The following TULP4 variants were observed in gnomAD, a reference collection of about 807,000 sequenced individuals.
TULP4 encodes the protein TUB like protein 4, also known as tubby-related protein 4.
In TULP4, 16 loss-of-function variants were observed where a neutral mutation model predicts 129.0. The observed-to-expected ratio is 0.12, with a 90% CI of 0.08 to 0.19. The LOEUF (loss-of-function observed/expected upper bound fraction) is 0.19, where lower values mean the gene tolerates loss of function less well. Among genes scored for constraint, TULP4 ranks in the 10% least tolerant of loss-of-function variants. The probability of loss-of-function intolerance (pLI) is 1.00; values close to 1 mark genes in which losing one functional copy is unlikely to be tolerated. For missense variants in TULP4, 1,842 were observed against 2,059.1 expected (o/e 0.89, Z 2.04); for synonymous variants, 998 against 854.0 (o/e 1.17, Z -2.94).
At chr6:158,495,236 A>G (rs894131990) in intron 11 of TULP4, among the ~76,000 whole-genome samples, 1 of 152,042 alleles carries the variant, frequency 6.6e-6, no homozygotes, top group Admixed American at 6.6e-5. Flanking sequence ...TATTTTTTGT[A>G]GAGACAGGGT....
chr6:158,275,333 TGGATAGTGGAAG>T (rs1778625508), intron 1 of TULP4, among the ~76,000 whole-genome samples: 1 of 152,122 alleles, frequency 6.6e-6, no homozygotes, highest in Non-Finnish European at 1.5e-5. Flanking sequence ...GATGGTTCTG[TGGATAGTGGAAG>T]AAAACTGGCC....
At chr6:158,358,676 C>A (rs1780701523) in intron 1 of TULP4, among the ~76,000 whole-genome samples, 1 of 152,182 alleles carries the variant, frequency 6.6e-6, no homozygotes, top group South Asian at 2.1e-4. Flanking sequence ...AGAGCTCTTA[C>A]TTGAGGGCCA....
intron 2 of TULP4, among the ~76,000 whole-genome samples, chr6:158,418,419 T>A (rs928544486): frequency 7.4e-5 from 11 of 148,952 alleles, no homozygotes; most frequent in Non-Finnish European, 1.3e-4. Context: ...TTTTTTTTTT[T>A]AAGCAATTCG....
chr6:158,331,715 ACACACACACACACATACG>A (rs1266998895), intron 1 of TULP4, among the ~76,000 whole-genome samples: 4 of 20,866 alleles, frequency 1.9e-4, no homozygotes, highest in Non-Finnish European at 3.0e-4. Flanking sequence ...ACACACACAC[ACACACACACACACATACG>A]TATATATATA....
chr6:158,343,382 A>G (rs1220829558), intron 1 of TULP4, among the ~76,000 whole-genome samples: 1 of 152,160 alleles, frequency 6.6e-6, no homozygotes, highest in Non-Finnish European at 1.5e-5. Context: ...AAGGTAATGC[A>G]GGGAAGGGAA....
intron 1 of TULP4, among the ~76,000 whole-genome samples, chr6:158,344,632 T>TA (rs1166497704): frequency 6.6e-6 from 1 of 152,206 alleles, no homozygotes; most frequent in African/African-American, 2.4e-5. Flanking sequence ...GTAAATGTTG[T>TA]ATGTGTTATG....
chr6:158,489,563 A>T (rs376281403), intron 8 of TULP4, 25 bp from the exon 9 acceptor site: 103 of 1,613,610 alleles, frequency 6.4e-5, no homozygotes, highest in South Asian at 1.4e-4. Context: ...CTTCCCTTGA[A>T]ATCTGCTGGT....
At chr6:158,319,958 A>G (rs1010521116) in intron 1 of TULP4, among the ~76,000 whole-genome samples, 2 of 152,198 alleles carry the variant, frequency 1.3e-5, no homozygotes, top group African/African-American at 4.8e-5. Context: ...TCAATCCTGA[A>G]AGCACCTTTC....
chr6:158,268,591 G>T (rs531638064), intron 1 of TULP4, among the ~76,000 whole-genome samples: 6 of 152,174 alleles, frequency 3.9e-5, no homozygotes, highest in African/African-American at 1.4e-4. Context: ...CTTCCCAAAG[G>T]CCCCACCTCG....
At chr6:158,414,977 G>A (rs879340719) in intron 2 of TULP4, among the ~76,000 whole-genome samples, 1 of 152,180 alleles carries the variant, frequency 6.6e-6, no homozygotes, top group Admixed American at 6.5e-5. Flanking sequence ...ACCCTAGTTT[G>A]TTTGAGTCTG....
At chr6:158,279,973 C>T (rs1778720182), upstream of TULP4, among the ~76,000 whole-genome samples, 1 of 152,216 alleles carries the variant, frequency 6.6e-6, no homozygotes, top group South Asian at 2.1e-4. Flanking sequence ...GTGCCACTAA[C>T]TGCGTGGATA....
At chr6:158,387,150 A>C (rs1455298464) in intron 1 of TULP4, among the ~76,000 whole-genome samples, 5 of 152,188 alleles carry the variant, frequency 3.3e-5, no homozygotes. Flanking sequence ...CCACAGCAGC[A>C]CTGTAAGTGT....
In TULP4 at chr6:158,479,724, C is replaced by T. The variant is rs765070208; in HGVS notation, c.1027-27C>T. On this transcript the variant is annotated intron_variant, in intron 6 of 13. Coordinates refer to ENST00000367097, the MANE Select transcript of TULP4 (RefSeq NM_020245.5). Reference sequence around the variant, plus strand: ...CTTCCCACAAGAGCAAAAGCTTAAGCATTGTCTTCCCTTCACTTCCTGCCA... The same window carrying T: ...CTTCCCACAAGAGCAAAAGCTTAAGTATTGTCTTCCCTTCACTTCCTGCCA... 3.7e-6 allele frequency: 6 copies of T among 1,603,146 alleles called. No individual in the cohort carries two copies. The South Asian group carries it at 5.5e-5, about 15-fold the overall frequency.
At chr6:158,402,888 GT>G (rs34604658) in intron 1 of TULP4, among the ~76,000 whole-genome samples, 47,199 of 127,808 alleles carry the variant, frequency 0.37, 7,770 homozygotes, top group Admixed American at 0.47. Flanking sequence ...GGCTTTGGGA[GT>G]TTTTTTTTTT....
intron 1 of TULP4, among the ~76,000 whole-genome samples, chr6:158,247,585 T>G (rs1778051387): frequency 1.3e-5 from 2 of 152,254 alleles, no homozygotes; most frequent in Admixed American, 1.3e-4. Context: ...TTTAAACTTC[T>G]TGAGTCAGTT....
At chr6:158,391,282 A>T (rs1777579007) in intron 1 of TULP4, among the ~76,000 whole-genome samples, 1 of 152,182 alleles carries the variant, frequency 6.6e-6, no homozygotes, top group Non-Finnish European at 1.5e-5. Context: ...GTGGAGTAGC[A>T]TGTGTGTATC....
intron 1 of TULP4, among the ~76,000 whole-genome samples, chr6:158,411,630 T>C (rs1778102960): frequency 6.6e-6 from 1 of 152,194 alleles, no homozygotes; most frequent in Non-Finnish European, 1.5e-5. Context: ...TATTATACAT[T>C]TTACAACAAG....
At chr6:158,240,235 C>A (rs1463966895) in intron 1 of TULP4, among the ~76,000 whole-genome samples, 1 of 78,928 alleles carries the variant, frequency 1.3e-5, no homozygotes. Flanking sequence ...CCCCACCTCC[C>A]TCCCGGACGG....
chr6:158,470,521 A>G (rs688957), intron 6 of TULP4, among the ~76,000 whole-genome samples: 63,570 of 152,082 alleles, frequency 0.42, 14,597 homozygotes, highest in African/African-American at 0.62. Context: ...TGAGCTCTCT[A>G]ATTGGTTGGG....
Sources: allele counts gnomAD v4.1 joint callset (sites outside exome capture counted in the v4.1 genomes callset), GRCh38; gene constraint gnomAD v4.1.1; transcripts MANE v1.5; gene names NCBI Gene and HGNC (gene_info 2026-07-23, HGNC 2026-07-21).